Variants in TTC29 observed in about 807,000 individuals in gnomAD.
TTC29 encodes tetratricopeptide repeat protein 29.
TTC29 carries 49 observed loss-of-function variants against 58.1 expected under a neutral mutation model. The ratio of observed to expected loss-of-function variants is 0.84; its 90% CI spans 0.67 to 1.07. The LOEUF (loss-of-function observed/expected upper bound fraction) is 1.07, where lower values mean the gene tolerates loss of function less well. Ranked by LOEUF, TTC29 falls within the 50% of genes least tolerant of loss-of-function variation. The pLI, the probability that TTC29 is intolerant of heterozygous loss-of-function variation, is 0.00. For synonymous variants in TTC29, 209 were observed against 196.8 expected (o/e 1.06, Z -0.52); for missense variants, 582 against 555.6 (o/e 1.05, Z -0.48).
chr4:146,794,272 A>G (rs1347729341), intron 11 of TTC29, among the ~76,000 whole-genome samples: 3 of 152,146 alleles, frequency 2.0e-5, no homozygotes, highest in African/African-American at 7.2e-5. Context: ...ATCAAATTAT[A>G]ATAGCCTGCT....
At chr4:146,731,920 T>C (rs1351063097) in intron 11 of TTC29, among the ~76,000 whole-genome samples, 1 of 152,176 alleles carries the variant, frequency 6.6e-6, no homozygotes, top group Non-Finnish European at 1.5e-5. Flanking sequence ...TGCCACATTG[T>C]ATGTGTTTGT....
intron 9 of TTC29, among the ~76,000 whole-genome samples, chr4:146,830,356 C>G (rs547987407): frequency 1.2e-3 from 188 of 152,202 alleles, no homozygotes; most frequent in Admixed American, 3.3e-3. Context: ...TTACCAAATC[C>G]TCAGTCTTGA....
intron 11 of TTC29, among the ~76,000 whole-genome samples, chr4:146,766,383 C>G (rs778338996): frequency 1.3e-5 from 2 of 152,058 alleles, no homozygotes; most frequent in Non-Finnish European, 2.9e-5. Flanking sequence ...TTCTTCTTCT[C>G]TACTTCTACA....
chr4:146,765,303 T>C (rs1339034643), intron 11 of TTC29, among the ~76,000 whole-genome samples: 2 of 152,176 alleles, frequency 1.3e-5, no homozygotes, highest in Non-Finnish European at 2.9e-5. Flanking sequence ...TCATGGAAAG[T>C]AATTCTTTAT....
chr4:146,808,767 T>C (rs994313305), intron 10 of TTC29, among the ~76,000 whole-genome samples: 27 of 152,168 alleles, frequency 1.8e-4, no homozygotes, highest in African/African-American at 5.3e-4. Flanking sequence ...CATTCCATGC[T>C]CATGGATAGG....
At chr4:146,794,223 G>A (rs147098603) in intron 11 of TTC29, among the ~76,000 whole-genome samples, 1 of 152,206 alleles carries the variant, frequency 6.6e-6, no homozygotes, top group East Asian at 1.9e-4. Context: ...AGTTAATGTA[G>A]CTATTTGGCC....
chr4:146,743,187 A>G (rs1463891064), intron 11 of TTC29, among the ~76,000 whole-genome samples: 1 of 152,200 alleles, frequency 6.6e-6, no homozygotes, highest in Non-Finnish European at 1.5e-5. Context: ...GAAACCTTGA[A>G]AAATATTTTA....
At chr4:146,782,470 A>G (rs1748695259) in intron 11 of TTC29, among the ~76,000 whole-genome samples, 1 of 151,966 alleles carries the variant, frequency 6.6e-6, no homozygotes. Context: ...AAGTTACTTA[A>G]GGAATGAAAT....
chr4:146,728,824 TAC>T (rs1744056337), intron 11 of TTC29, among the ~76,000 whole-genome samples: 1 of 114,874 alleles, frequency 8.7e-6, no homozygotes, highest in African/African-American at 3.1e-5. Context: ...TGTGTATATA[TAC>T]ATATATATAC....
At chr4:146,884,504 T>C (rs758276744) in intron 6 of TTC29, among the ~76,000 whole-genome samples, 2 of 152,148 alleles carry the variant, frequency 1.3e-5, no homozygotes, top group Non-Finnish European at 2.9e-5. Flanking sequence ...ATTGGCTTTA[T>C]TCCATGTTGT....
intron 11 of TTC29, among the ~76,000 whole-genome samples, chr4:146,708,332 A>ACACATGTG (rs1331193697): frequency 3.1e-4 from 21 of 68,234 alleles, no homozygotes; most frequent in African/African-American, 9.7e-4. Context: ...ATATATATAT[A>ACACATGTG]TATATATATA....
rs935297248 is a variant in TTC29 at position 146,876,715 on chromosome 4, C to T, written c.587-1787G>A. Among the ~76,000 whole-genome samples, 3 of 151,874 alleles carry T rather than the reference C, an allele frequency of 2.0e-5. No homozygotes were observed. The South Asian group carries it at 6.2e-4, about 31-fold the overall frequency. On this transcript the variant is annotated intron_variant, in intron 6 of 12. Coordinates refer to ENST00000325106, the MANE Select transcript of TTC29 (RefSeq NM_031956.4). ...ACTTTGGGAGGCTGAGGCCTGTGGA[C>T]CACGAGGTCAGGAGTTCAAGACCAG...
At chr4:146,752,674 A>G (rs2150050077) in intron 11 of TTC29, among the ~76,000 whole-genome samples, 1 of 152,204 alleles carries the variant, frequency 6.6e-6, no homozygotes, top group East Asian at 1.9e-4. Context: ...ACAGTAACCA[A>G]AACAGCATGG....
At chr4:146,905,597 C>T (rs1733470733) in intron 5 of TTC29, among the ~76,000 whole-genome samples, 1 of 151,800 alleles carries the variant, frequency 6.6e-6, no homozygotes, top group South Asian at 2.1e-4. Context: ...TGTCCTGTAC[C>T]CTTTACAAAG....
intron 6 of TTC29, among the ~76,000 whole-genome samples, chr4:146,884,072 T>C (rs4835353): frequency 0.05 from 7,551 of 152,106 alleles, 323 homozygotes; most frequent in Admixed American, 0.12. Context: ...TATCAATACT[T>C]AAAAAGGATC....
intron 6 of TTC29, among the ~76,000 whole-genome samples, chr4:146,877,013 T>C (rs1237931876): frequency 6.6e-6 from 1 of 151,666 alleles, no homozygotes; most frequent in African/African-American, 2.4e-5. Flanking sequence ...GGAGGACATG[T>C]CAGCGAAGAT....
intron 6 of TTC29, among the ~76,000 whole-genome samples, chr4:146,897,493 C>A (rs780775684): frequency 6.6e-6 from 1 of 152,116 alleles, no homozygotes; most frequent in Non-Finnish European, 1.5e-5. Flanking sequence ...ATGACTGCAA[C>A]CACAGGGCCT....
chr4:146,794,620 T>A (rs2150107510), intron 11 of TTC29, among the ~76,000 whole-genome samples: 1 of 152,142 alleles, frequency 6.6e-6, no homozygotes, highest in Non-Finnish European at 1.5e-5. Flanking sequence ...CACTGATACG[T>A]TAGTATTAGA....
chr4:146,793,160 T>C (rs1313991355), intron 11 of TTC29, among the ~76,000 whole-genome samples: 1 of 152,172 alleles, frequency 6.6e-6, no homozygotes, highest in South Asian at 2.1e-4. Flanking sequence ...GATAAAACAG[T>C]GGTAGAGTTT....
Sources: allele counts gnomAD v4.1 joint callset (sites outside exome capture counted in the v4.1 genomes callset), GRCh38; gene constraint gnomAD v4.1.1; transcripts MANE v1.5; gene names NCBI Gene and HGNC (gene_info 2026-07-23, HGNC 2026-07-21).